RBFOX1: variants seen among roughly 807,000 people sequenced by gnomAD.
The protein encoded by RBFOX1 is RNA binding protein fox-1 homolog 1.
RBFOX1 carries 8 observed loss-of-function variants against 57.7 expected under a neutral mutation model. The ratio of observed to expected loss-of-function variants is 0.14; its 90% CI spans 0.08 to 0.25. RBFOX1 has a LOEUF of 0.25. Ranked by LOEUF, RBFOX1 falls within the 10% of genes least tolerant of loss-of-function variation. RBFOX1 has a pLI of 1.00. For synonymous variants in RBFOX1, 326 were observed against 222.4 expected (o/e 1.47, Z -4.15); for missense variants, 611 against 548.5 (o/e 1.11, Z -1.14).
chr16:7,177,619 C>T (rs969732323), intron 4 of RBFOX1, among the ~76,000 whole-genome samples: 1 of 152,132 alleles, frequency 6.6e-6, no homozygotes, highest in Non-Finnish European at 1.5e-5. Context: ...GTGACAGCTC[C>T]TATCTGAGCA....
intron 3 of RBFOX1, among the ~76,000 whole-genome samples, chr16:6,997,239 T>A (rs920465427): frequency 6.6e-6 from 1 of 152,118 alleles, no homozygotes; most frequent in Non-Finnish European, 1.5e-5. Context: ...CTTTGAAGAC[T>A]AGAGTGATTT....
chr16:6,379,408 C>T (rs1419246359), intron 2 of RBFOX1, among the ~76,000 whole-genome samples: 1 of 152,054 alleles, frequency 6.6e-6, no homozygotes, highest in African/African-American at 2.4e-5. Flanking sequence ...CTAATGGCCC[C>T]CGCCCCCCTA....
intron 1 of RBFOX1, among the ~76,000 whole-genome samples, chr16:6,265,173 G>A (rs2074317608): frequency 6.6e-6 from 1 of 152,104 alleles, no homozygotes; most frequent in African/African-American, 2.4e-5. Context: ...GGAACATTAT[G>A]CTCTTCGCAC....
intron 2 of RBFOX1, among the ~76,000 whole-genome samples, chr16:5,558,040 C>G (rs2045745815): frequency 6.6e-6 from 1 of 152,126 alleles, no homozygotes. Context: ...GGAGGACTGC[C>G]TTCCCACTCT....
intron 2 of RBFOX1, among the ~76,000 whole-genome samples, chr16:6,647,386 A>G (rs2098542563): frequency 6.6e-6 from 1 of 152,128 alleles, no homozygotes; most frequent in South Asian, 2.1e-4. Context: ...CTGGGATTAT[A>G]GATGCCCACC....
intron 4 of RBFOX1, among the ~76,000 whole-genome samples, chr16:7,253,501 T>G (rs941911292): frequency 6.6e-6 from 1 of 152,196 alleles, no homozygotes; most frequent in Non-Finnish European, 1.5e-5. Context: ...ATCATTGACC[T>G]TGTCATCACT....
chr16:5,867,204 T>G, intron 3 of RBFOX1: 1 of 758,424 alleles, frequency 1.3e-6, no homozygotes, highest in Non-Finnish European at 1.8e-6. Flanking sequence ...TCCCCTCGGG[T>G]CATAACAAAT....
chr16:5,855,781 G>A (rs1343181888), intron 3 of RBFOX1, among the ~76,000 whole-genome samples: 2 of 151,424 alleles, frequency 1.3e-5, no homozygotes, highest in African/African-American at 4.9e-5. Flanking sequence ...ATTTTGATAG[G>A]GATCATACTG....
chr16:5,726,159 C>A (rs1017534184), intron 3 of RBFOX1, among the ~76,000 whole-genome samples: 2 of 151,822 alleles, frequency 1.3e-5, no homozygotes, highest in African/African-American at 4.8e-5. Context: ...AGTTTAATTT[C>A]CCTTCCCTAA....
At chr16:6,996,512 A>G (rs1412575035) in intron 3 of RBFOX1, among the ~76,000 whole-genome samples, 1 of 152,216 alleles carries the variant, frequency 6.6e-6, no homozygotes, top group Non-Finnish European at 1.5e-5. Flanking sequence ...ACTTGAAAAT[A>G]AGTAGGGCTT....
At chr16:7,484,007 C>T (rs941653936) in intron 4 of RBFOX1, among the ~76,000 whole-genome samples, 4 of 152,296 alleles carry the variant, frequency 2.6e-5, no homozygotes, top group Non-Finnish European at 5.9e-5. Context: ...TTCTGCCCCC[C>T]CATTCCCTAA....
At chr16:7,450,986 A>G (rs1177229245) in intron 4 of RBFOX1, among the ~76,000 whole-genome samples, 3 of 152,172 alleles carry the variant, frequency 2.0e-5, no homozygotes, top group South Asian at 2.1e-4. Context: ...GCCTCCTTCA[A>G]TCACTGTTCT....
At chr16:6,773,018 G>GT (rs2078630145) in intron 3 of RBFOX1, among the ~76,000 whole-genome samples, 2 of 137,794 alleles carry the variant, frequency 1.5e-5, no homozygotes, top group African/African-American at 2.8e-5. Flanking sequence ...GTGTGTGTGT[G>GT]ATTGTATTTG....
intron 3 of RBFOX1, among the ~76,000 whole-genome samples, chr16:5,628,382 A>T (rs944665348): frequency 9.2e-5 from 14 of 152,028 alleles, no homozygotes; most frequent in African/African-American, 3.1e-4. Flanking sequence ...TCCTGGGCAC[A>T]TTCTCCATTG....
At chr16:7,041,870 T>C (rs181479775) in intron 3 of RBFOX1, among the ~76,000 whole-genome samples, 27 of 152,270 alleles carry the variant, frequency 1.8e-4, no homozygotes, top group Admixed American at 3.9e-4. Context: ...GTAATTCTTA[T>C]AGATTATGCT....
At chr16:7,709,676 A>C in intron 15 of RBFOX1, 1 of 1,428,552 alleles carries the variant, frequency 7.0e-7, no homozygotes, top group East Asian at 3.0e-5. Context: ...CCTAGTACAT[A>C]AGAAAGTAGA....
chr16:7,290,594 AT>A (rs1358101977), intron 4 of RBFOX1, among the ~76,000 whole-genome samples: 1 of 152,208 alleles, frequency 6.6e-6, no homozygotes, highest in Non-Finnish European at 1.5e-5. Flanking sequence ...GAGGACTAAT[AT>A]TTTCATTTTC....
At chr16:7,647,793 T>C (rs1828775122) in intron 11 of RBFOX1, among the ~76,000 whole-genome samples, 1 of 152,210 alleles carries the variant, frequency 6.6e-6, no homozygotes, top group Non-Finnish European at 1.5e-5. Context: ...GCCCACTTAC[T>C]GGATCTAGAC....
At chr16:6,149,898 A>G (rs1296985825) in intron 1 of RBFOX1, among the ~76,000 whole-genome samples, 1 of 152,200 alleles carries the variant, frequency 6.6e-6, no homozygotes. Context: ...ATAAGTCCTG[A>G]TTATGTGCAC....
Sources: allele counts gnomAD v4.1 joint callset (sites outside exome capture counted in the v4.1 genomes callset), GRCh38; gene constraint gnomAD v4.1.1; transcripts MANE v1.5; gene names NCBI Gene and HGNC (gene_info 2026-07-23, HGNC 2026-07-21).